The following NR3C2 variants were observed in gnomAD, a reference collection of about 807,000 sequenced individuals.
The protein encoded by NR3C2 is nuclear receptor subfamily 3 group C member 2.
NR3C2 carries 15 observed loss-of-function variants against 86.4 expected under a neutral mutation model. The observed-to-expected ratio is 0.17, with a 90% CI of 0.12 to 0.27. The LOEUF (loss-of-function observed/expected upper bound fraction) is 0.27. Ranked by LOEUF, NR3C2 falls within the 10% of genes least tolerant of loss-of-function variation. The pLI is 1.00. For synonymous variants in NR3C2, 458 were observed against 450.5 expected (o/e 1.02, Z -0.21); for missense variants, 960 against 1,195.6 (o/e 0.80, Z 2.91).
chr4:148,129,243 T>C (rs1436389745), intron 6 of NR3C2, among the ~76,000 whole-genome samples: 1 of 152,222 alleles, frequency 6.6e-6, no homozygotes, highest in Non-Finnish European at 1.5e-5. Flanking sequence ...CTTCATATTA[T>C]GCTAAATGGA....
chr4:148,113,608 A>T (rs1327482113), intron 8 of NR3C2, among the ~76,000 whole-genome samples: 1 of 152,190 alleles, frequency 6.6e-6, no homozygotes, highest in Non-Finnish European at 1.5e-5. Context: ...TGTATGGCAG[A>T]TGCACCTGAC....
chr4:148,295,294 C>T (rs892905955), intron 2 of NR3C2, among the ~76,000 whole-genome samples: 2 of 151,762 alleles, frequency 1.3e-5, no homozygotes, highest in Non-Finnish European at 2.9e-5. Flanking sequence ...ATGAAGAAAA[C>T]ATAATGAATT....
rs117807994 is a variant in NR3C2, at chr4:148,426,661, G to A, written c.1757+8443C>T. On this transcript the variant is annotated intron_variant, in intron 2 of 8. Transcript: ENST00000358102. ...TCTCAGTGGGGCACTATTCCTCCAAGTTCCTAACAAAATGCACTTTAAACT... is the reference window on the plus strand; with the variant it reads ...TCTCAGTGGGGCACTATTCCTCCAAATTCCTAACAAAATGCACTTTAAACT... Among the ~76,000 whole-genome samples the A allele has an allele frequency of 7.7e-4, 117 of 152,264 alleles. No individual in the cohort carries two copies. The East Asian group carries it at 0.021, about 27-fold the overall frequency.
At chr4:148,388,785 T>A (rs1747395064) in intron 2 of NR3C2, among the ~76,000 whole-genome samples, 1 of 152,132 alleles carries the variant, frequency 6.6e-6, no homozygotes, top group Non-Finnish European at 1.5e-5. Flanking sequence ...AATTGGAAAG[T>A]ACTCTTTAGT....
At chr4:148,269,650 C>CA (rs927274598) in intron 2 of NR3C2, among the ~76,000 whole-genome samples, 18 of 151,822 alleles carry the variant, frequency 1.2e-4, no homozygotes, top group Non-Finnish European at 1.6e-4. Context: ...AAAACCCCCC[C>CA]AAAAAAACAA....
chr4:148,426,472 T>C (rs1749537059), intron 2 of NR3C2, among the ~76,000 whole-genome samples: 1 of 152,244 alleles, frequency 6.6e-6, no homozygotes, highest in African/African-American at 2.4e-5. Flanking sequence ...GGGCATTAGT[T>C]TCAGTATCCA....
intron 4 of NR3C2, among the ~76,000 whole-genome samples, chr4:148,184,466 A>G (rs1735795874): frequency 6.6e-6 from 1 of 152,094 alleles, no homozygotes; most frequent in Non-Finnish European, 1.5e-5. Flanking sequence ...AAAGAAAAAA[A>G]AAAGAATGAT....
At chr4:148,234,871 T>C (rs191740914) in intron 3 of NR3C2, among the ~76,000 whole-genome samples, 3 of 152,290 alleles carry the variant, frequency 2.0e-5, no homozygotes, top group African/African-American at 7.2e-5. Flanking sequence ...GCTATACAGG[T>C]AAATTCATGT....
chr4:148,155,425 C>A (rs1305068108), intron 4 of NR3C2, among the ~76,000 whole-genome samples: 1 of 152,164 alleles, frequency 6.6e-6, no homozygotes, highest in Admixed American at 6.5e-5. Context: ...TCTCAGGATA[C>A]AAAATCAATG....
At chr4:148,115,158 TCTTTC>T (rs1221718239) in intron 7 of NR3C2, among the ~76,000 whole-genome samples, 33 of 152,352 alleles carry the variant, frequency 2.2e-4, no homozygotes, top group African/African-American at 7.7e-4. Context: ...AATATTTTCT[TCTTTC>T]CTTTTATGTG....
chr4:148,096,830 T>C (rs1294481333), intron 8 of NR3C2, among the ~76,000 whole-genome samples: 2 of 152,340 alleles, frequency 1.3e-5, no homozygotes, highest in East Asian at 3.9e-4. Context: ...TGAGTAGCTG[T>C]AACCAAGATT....
At chr4:148,086,843 G>C (rs1479833775) in intron 8 of NR3C2, among the ~76,000 whole-genome samples, 1 of 152,164 alleles carries the variant, frequency 6.6e-6, no homozygotes, top group Non-Finnish European at 1.5e-5. Flanking sequence ...ACAACAACTG[G>C]AAGCATTCCC....
intron 4 of NR3C2, among the ~76,000 whole-genome samples, chr4:148,188,305 G>C (rs547335045): frequency 1.3e-5 from 2 of 152,070 alleles, no homozygotes; most frequent in Non-Finnish European, 2.9e-5. Context: ...ATTGCTTTTG[G>C]CAGTATGGTC....
At chr4:148,355,987 T>A (rs759011269) in intron 2 of NR3C2, among the ~76,000 whole-genome samples, 1 of 152,160 alleles carries the variant, frequency 6.6e-6, no homozygotes, top group African/African-American at 2.4e-5. Flanking sequence ...AAATCAGTCA[T>A]GTGCATGAAG....
chr4:148,194,035 C>T (rs559448693), intron 4 of NR3C2, among the ~76,000 whole-genome samples: 9 of 152,260 alleles, frequency 5.9e-5, no homozygotes, highest in South Asian at 4.1e-4. Context: ...GCAAATACCA[C>T]GGACTATTTT....
rs545451042 is a variant in NR3C2, at chr4:148,413,035, C to T, written c.1757+22069G>A. The stretch of plus-strand genomic sequence containing the variant: ...ATGAATAACTGATCAAAACTAGAAG[C>T]GTCCCCTATGTTATCTTTCCACACA... On this transcript the variant is annotated intron_variant, in intron 2 of 8. Coordinates refer to ENST00000358102, the MANE Select transcript of NR3C2 (RefSeq NM_000901.5). Among the ~76,000 whole-genome samples the T allele has an allele frequency of 7.9e-5, 12 of 152,256 alleles. 1 individual carries two copies. The South Asian group carries it at 1.0e-3, about 13-fold the overall frequency.
chr4:148,193,794 T>G (rs951942206), intron 4 of NR3C2, among the ~76,000 whole-genome samples: 1 of 152,212 alleles, frequency 6.6e-6, no homozygotes, highest in Non-Finnish European at 1.5e-5. Context: ...CTGTGGCTAT[T>G]TTTCTAAGTT....
chr4:148,440,995 A>G (rs781081424), intron 1 of NR3C2, among the ~76,000 whole-genome samples: 2 of 152,208 alleles, frequency 1.3e-5, no homozygotes, highest in Non-Finnish European at 2.9e-5. Context: ...ATAGTTGTAA[A>G]AGTTCACTAT....
chr4:148,255,427 A>T (rs1739784649), intron 3 of NR3C2, among the ~76,000 whole-genome samples: 1 of 152,228 alleles, frequency 6.6e-6, no homozygotes, highest in Non-Finnish European at 1.5e-5. Context: ...CCCCAAGATT[A>T]ACTTGTAATT....
Sources: allele counts gnomAD v4.1 joint callset (sites outside exome capture counted in the v4.1 genomes callset), GRCh38; gene constraint gnomAD v4.1.1; transcripts MANE v1.5; gene names NCBI Gene and HGNC (gene_info 2026-07-23, HGNC 2026-07-21).